SEMA3D: variants seen among roughly 807,000 people sequenced by gnomAD.
The protein encoded by SEMA3D is semaphorin-3D.
A neutral mutation model predicts 100.1 loss-of-function variants in SEMA3D; 84 were observed. The ratio of observed to expected loss-of-function variants is 0.84; its 90% CI spans 0.70 to 1.01. The LOEUF (loss-of-function observed/expected upper bound fraction) is 1.01, where lower values mean the gene tolerates loss of function less well. SEMA3D is among the 50% of genes least tolerant of loss of function. The probability of loss-of-function intolerance (pLI) is 0.00; values close to 1 mark genes in which losing one functional copy is unlikely to be tolerated. For missense variants in SEMA3D, 875 were observed against 934.1 expected, an observed-to-expected ratio of 0.94 and a Z score of 0.82; for synonymous variants, 312 against 320.7, an observed-to-expected ratio of 0.97 and a Z score of 0.29.
At chr7:85,120,690 A>T (rs983231824) in intron 3 of SEMA3D, among the ~76,000 whole-genome samples, 3 of 150,140 alleles carry the variant, frequency 2.0e-5, no homozygotes, top group Non-Finnish European at 4.4e-5. Flanking sequence ...AAAAGGTTTT[A>T]ATTATTGATT....
the SEMA3D span, among the ~76,000 whole-genome samples, chr7:85,214,037 A>G: frequency 3.9e-5 from 6 of 152,178 alleles, no homozygotes; most frequent in African/African-American, 4.8e-5. Flanking sequence ...AAACCCATAA[A>G]CGTGCACAAT....
At chr7:85,042,308 GAT>G (rs1562794388) in intron 9 of SEMA3D, 23 bp from the exon 10 acceptor site, 1 of 1,494,402 alleles carries the variant, frequency 6.7e-7, no homozygotes, top group East Asian at 2.3e-5. Context: ...AAAAAATAAA[GAT>G]AAATATTTAT....
intron 1 of SEMA3D, among the ~76,000 whole-genome samples, chr7:85,160,337 T>C (rs551696725): frequency 1.1e-4 from 17 of 150,468 alleles, no homozygotes; most frequent in South Asian, 4.2e-4. Flanking sequence ...TGATGAAATA[T>C]AGAAAAAAAA....
At chr7:85,176,677 A>T (rs1722215055) in intron 1 of SEMA3D, among the ~76,000 whole-genome samples, 1 of 151,996 alleles carries the variant, frequency 6.6e-6, no homozygotes, top group East Asian at 1.9e-4. Context: ...CCTGAGAGAC[A>T]CTAAAACTCA....
At chr7:84,999,959 GAAAGA>G in intron 18 of SEMA3D, 94 bp from the exon 19 acceptor site, 15 of 932,034 alleles carry the variant, frequency 1.6e-5, no homozygotes, top group Non-Finnish European at 2.2e-5. Context: ...AGATGAATAT[GAAAGA>G]CATATTCATT....
the SEMA3D span, among the ~76,000 whole-genome samples, chr7:85,250,147 G>A: frequency 6.6e-6 from 1 of 152,070 alleles, no homozygotes; most frequent in Non-Finnish European, 1.5e-5. Context: ...CCCGAATACT[G>A]CGCTTTTCCG....
chr7:85,051,359 C>T (rs1291824012), intron 9 of SEMA3D, among the ~76,000 whole-genome samples: 2 of 151,864 alleles, frequency 1.3e-5, no homozygotes. Flanking sequence ...TCTTACCTGA[C>T]CTCTTTTTGA....
At chr7:85,246,854 T>C in the SEMA3D span, among the ~76,000 whole-genome samples, 1 of 151,846 alleles carries the variant, frequency 6.6e-6, no homozygotes, top group Non-Finnish European at 1.5e-5. Flanking sequence ...TATAGTAGCA[T>C]CTTAATTTTC....
intron 17 of SEMA3D, among the ~76,000 whole-genome samples, chr7:85,009,030 G>A (rs1789879481): frequency 6.6e-6 from 1 of 151,546 alleles, no homozygotes; most frequent in Non-Finnish European, 1.5e-5. Flanking sequence ...AAAACCTTTT[G>A]GTCCCAGGCA....
rs1584514466 is a variant in SEMA3D at position 84,999,866 on chromosome 7, C to T, written c.1909-1G>A. The T allele has an allele frequency of 6.2e-7, 1 of 1,610,532 alleles. No homozygotes were observed. Among genetic ancestry groups the T allele is most frequent in the South Asian group, 1.1e-5 (1 of 90,990 alleles). ...TGATGATTCTTTCATCGGGCTTCAA[C>T]TGCAGAATTGGAAAAATGTAGGTAA... On this transcript the variant is annotated splice_acceptor_variant, in intron 18 of 18. Transcript: ENST00000284136. LOFTEE classifies it high-confidence loss of function.
chr7:85,075,583 C>G lies in SEMA3D; in HGVS notation c.376-2502G>C, dbSNP rs943168364. Reference sequence around the variant, plus strand: ...GATTAATTTATGAAATTCCTCCCTTCTGTCTGATTGGGCTGACATGGAATA... The same window carrying G: ...GATTAATTTATGAAATTCCTCCCTTGTGTCTGATTGGGCTGACATGGAATA... On this transcript the variant is annotated intron_variant, in intron 5 of 18. Transcript: ENST00000284136. 2.0e-5 allele frequency among the ~76,000 whole-genome samples: 3 copies of G among 152,242 alleles called. No homozygotes were observed. In the South Asian group the frequency reaches 6.2e-4, roughly 32 times the overall value.
intron 1 of SEMA3D, among the ~76,000 whole-genome samples, chr7:85,171,811 AAAAAT>A (rs1791090334): frequency 6.6e-6 from 1 of 152,062 alleles, no homozygotes; most frequent in African/African-American, 2.4e-5. Flanking sequence ...ATAAAAAAGG[AAAAAT>A]AAAACAAAAA....
At chr7:85,003,418 T>G (rs982272377) in intron 18 of SEMA3D, among the ~76,000 whole-genome samples, 2 of 151,938 alleles carry the variant, frequency 1.3e-5, no homozygotes, top group Admixed American at 6.6e-5. Flanking sequence ...AAATACAATA[T>G]GCAAAATGTA....
At chr7:85,029,407 G>A in intron 12 of SEMA3D, 1 of 852,056 alleles carries the variant, frequency 1.2e-6, no homozygotes, top group Non-Finnish European at 2.0e-6. Flanking sequence ...CAACATGAAA[G>A]CAACTGCTGA....
chr7:85,241,467 G>GTATATATATATATATATATATATATATA, the SEMA3D span, among the ~76,000 whole-genome samples: 42 of 91,938 alleles, frequency 4.6e-4, no homozygotes, highest in East Asian at 3.2e-3. Context: ...CTGTGTGTGT[G>GTATATATATATATATATATATATATATA]TATATATATA....
intron 2 of SEMA3D, chr7:85,141,493 C>A (rs1224167465): frequency 1.0e-6 from 1 of 984,886 alleles, no homozygotes; most frequent in Admixed American, 6.2e-5. Flanking sequence ...TGATGCATGT[C>A]CTCCCTAGCA....
intron 2 of SEMA3D, among the ~76,000 whole-genome samples, chr7:85,129,691 G>A (rs1182260706): frequency 6.6e-6 from 1 of 152,076 alleles, no homozygotes; most frequent in Non-Finnish European, 1.5e-5. Context: ...CTGGAAAGCA[G>A]TAAATAATTA....
At chr7:85,178,813 G>T (rs1005545706) in intron 1 of SEMA3D, among the ~76,000 whole-genome samples, 3 of 152,186 alleles carry the variant, frequency 2.0e-5, no homozygotes, top group Non-Finnish European at 4.4e-5. Context: ...CCTGTCACAG[G>T]CCTGGAGGCC....
chr7:85,201,293 T>C, the SEMA3D span, among the ~76,000 whole-genome samples: 1 of 152,160 alleles, frequency 6.6e-6, no homozygotes, highest in Non-Finnish European at 1.5e-5. Flanking sequence ...ACTACTAGCT[T>C]TGATCGCCTA....
Sources: gnomAD v4.1 joint callset for allele counts (sites outside exome capture counted in the v4.1 genomes callset) on GRCh38, gnomAD v4.1.1 for gene constraint, MANE v1.5 for transcripts, NCBI Gene and HGNC (gene_info 2026-07-23, HGNC 2026-07-21) for gene names.